NBAS: variants seen among roughly 807,000 people sequenced by gnomAD.
NBAS encodes NBAS subunit of NRZ tethering complex, also known as NAG/BC035112 fusion.
In NBAS, 219 loss-of-function variants were observed where a neutral mutation model predicts 302.5. The ratio of observed to expected loss-of-function variants is 0.72; its 90% confidence interval spans 0.65 to 0.81. The LOEUF is 0.81. Ranked by LOEUF, NBAS falls within the 30% of genes least tolerant of loss-of-function variation. NBAS has a pLI of 0.00. For missense variants in NBAS, 2,932 were observed against 2,841.6 expected (o/e 1.03, Z -0.72); for synonymous variants, 1,118 against 1,021.6 (o/e 1.09, Z -1.80).
the NBAS span, among the ~76,000 whole-genome samples, chr2:15,116,004 C>T: frequency 6.6e-6 from 1 of 152,184 alleles, no homozygotes; most frequent in African/African-American, 2.4e-5. Context: ...AGTTCTCATG[C>T]AACATCATAT....
the NBAS span, among the ~76,000 whole-genome samples, chr2:15,004,030 T>G: frequency 6.6e-6 from 1 of 152,222 alleles, no homozygotes; most frequent in East Asian, 1.9e-4. Context: ...TACTTTAAAA[T>G]ATTTTTAGGC....
the NBAS span, among the ~76,000 whole-genome samples, chr2:15,098,542 TATATA>T: frequency 7.9e-6 from 1 of 126,334 alleles, no homozygotes; most frequent in African/African-American, 3.0e-5. Flanking sequence ...TTATGTATTG[TATATA>T]ATATGTTATA....
At chr2:15,421,821 T>C (rs1040757543) in intron 23 of NBAS, among the ~76,000 whole-genome samples, 2 of 152,182 alleles carry the variant, frequency 1.3e-5, no homozygotes, top group Non-Finnish European at 2.9e-5. Flanking sequence ...TTTCCTTTAA[T>C]ACACTTTATT....
At chr2:15,329,156 G>C (rs760524559) in intron 36 of NBAS, among the ~76,000 whole-genome samples, 3 of 152,164 alleles carry the variant, frequency 2.0e-5, no homozygotes, top group Non-Finnish European at 4.4e-5. Context: ...CCAAGTAAAA[G>C]GAATTCACCC....
intron 26 of NBAS, among the ~76,000 whole-genome samples, chr2:15,396,990 C>T (rs1043085333): frequency 3.3e-5 from 5 of 152,166 alleles, no homozygotes; most frequent in Non-Finnish European, 5.9e-5. Flanking sequence ...TCCACTTCAA[C>T]GTTAAGGAAT....
At chr2:15,387,089 T>TTC (rs1247018820) in intron 28 of NBAS, among the ~76,000 whole-genome samples, 2 of 151,662 alleles carry the variant, frequency 1.3e-5, no homozygotes, top group Non-Finnish European at 2.9e-5. Context: ...ATTAATTTTT[T>TTC]TTTTTTCTGA....
chr2:15,518,028 TCTC>T (rs1178112665), intron 9 of NBAS, among the ~76,000 whole-genome samples: 3 of 151,924 alleles, frequency 2.0e-5, no homozygotes, highest in Non-Finnish European at 4.4e-5. Flanking sequence ...TCTCTGTACT[TCTC>T]CTTCTCTCTC....
the NBAS span, among the ~76,000 whole-genome samples, chr2:14,963,887 T>C: frequency 1.3e-5 from 2 of 152,186 alleles, no homozygotes; most frequent in East Asian, 3.8e-4. Context: ...CCTAACCCAT[T>C]CCCACCAGCC....
chr2:14,929,032 A>G, the NBAS span, among the ~76,000 whole-genome samples: 2 of 152,184 alleles, frequency 1.3e-5, no homozygotes, highest in African/African-American at 4.8e-5. Flanking sequence ...CTACCTTAGC[A>G]TGGACTGGAA....
At position 15,292,764 on chromosome 2, in the gene NBAS, A is replaced by G; in HGVS notation, c.4800T>C (p.Ala1600=). 1.2e-6 allele frequency: 2 copies of G among 1,614,104 alleles called. No individual in the cohort carries two copies. The highest frequency in any genetic ancestry group is 1.7e-6 in the Non-Finnish European group (2 of 1,179,936). ...CCATCTTGATTAGTTCTTTGGGATCAGCCTATGAAAGACATGGAAAAGAAG... is the reference window on the plus strand; with the variant it reads ...CCATCTTGATTAGTTCTTTGGGATCGGCCTATGAAAGACATGGAAAAGAAG... The part of the protein sequence containing the change: ...FRDKCHPLYR[A]DPKELIKMVT... The change falls in exon 41 of 52, where the codon GCT becomes GCC. Residue 1600 remains alanine, a splice_region_variant and synonymous_variant. Coordinates refer to ENST00000281513, the MANE Select transcript of NBAS (RefSeq NM_015909.4).
At chr2:15,522,563 T>A (rs956079490) in intron 9 of NBAS, among the ~76,000 whole-genome samples, 1 of 152,164 alleles carries the variant, frequency 6.6e-6, no homozygotes, top group African/African-American at 2.4e-5. Flanking sequence ...AGATATTACA[T>A]ATGCATTCAA....
chr2:15,080,600 GTAAGTTTTCTGCTTCA>G, the NBAS span, among the ~76,000 whole-genome samples: 1 of 152,212 alleles, frequency 6.6e-6, no homozygotes, highest in Non-Finnish European at 1.5e-5. Flanking sequence ...GCTCAGCTGG[GTAAGTTTTCTGCTTCA>G]TAAGCCATCA....
intron 47 of NBAS, among the ~76,000 whole-genome samples, chr2:15,223,583 C>T (rs1667039423): frequency 6.6e-6 from 1 of 151,966 alleles, no homozygotes; most frequent in South Asian, 2.1e-4. Flanking sequence ...TCATGAAATA[C>T]ACTTTGGGAG....
the NBAS span, among the ~76,000 whole-genome samples, chr2:15,102,053 G>T: frequency 6.6e-6 from 1 of 152,178 alleles, no homozygotes; most frequent in African/African-American, 2.4e-5. Context: ...TATATTGGAG[G>T]TTAGTTCCAC....
At chr2:14,930,995 G>A in the NBAS span, among the ~76,000 whole-genome samples, 1 of 152,238 alleles carries the variant, frequency 6.6e-6, no homozygotes, top group Non-Finnish European at 1.5e-5. Flanking sequence ...AATAAGACCA[G>A]TGGCTGATAC....
the NBAS span, among the ~76,000 whole-genome samples, chr2:15,111,092 GGA>G: frequency 1.3e-5 from 2 of 152,082 alleles, no homozygotes; most frequent in African/African-American, 4.8e-5. Flanking sequence ...AAGAATAACG[GGA>G]GAGAAAGCAG....
the NBAS span, among the ~76,000 whole-genome samples, chr2:15,048,837 C>T: frequency 3.3e-5 from 5 of 152,246 alleles, no homozygotes; most frequent in African/African-American, 1.2e-4. Flanking sequence ...CCAAACAAGA[C>T]ACTGTCCCTC....
the NBAS span, among the ~76,000 whole-genome samples, chr2:14,834,292 C>T: frequency 7.6e-4 from 115 of 152,226 alleles, no homozygotes; most frequent in African/African-American, 2.0e-3. Context: ...TACTGAACAA[C>T]CCCATCTTTG....
intron 17 of NBAS, 139 bp downstream of exon 17, chr2:15,468,243 G>T: frequency 1.0e-6 from 1 of 971,764 alleles, no homozygotes; most frequent in Non-Finnish European, 1.6e-6. Context: ...ATGACTTCAG[G>T]TAAGACAGTA....
Sources: allele counts gnomAD v4.1 joint callset (sites outside exome capture counted in the v4.1 genomes callset), GRCh38; gene constraint gnomAD v4.1.1; transcripts MANE v1.5; gene names NCBI Gene and HGNC (gene_info 2026-07-23, HGNC 2026-07-21).